EXOC6B: variants seen among roughly 807,000 people sequenced by gnomAD.
EXOC6B encodes exocyst complex component 6B, also known as SEC15 homolog B.
In EXOC6B, 54 loss-of-function variants were observed where a neutral mutation model predicts 113.5. That is an observed-to-expected ratio of 0.48 (90% CI 0.38 to 0.60). The LOEUF is 0.60. EXOC6B is among the 20% of genes least tolerant of loss of function. The pLI, the probability that EXOC6B is intolerant of heterozygous loss-of-function variation, is 0.00. For synonymous variants in EXOC6B, 357 were observed against 339.0 expected (o/e 1.05, Z -0.58); for missense variants, 797 against 977.5 (o/e 0.82, Z 2.46).
chr2:72,537,106 A>C (rs190962537), intron 8 of EXOC6B, among the ~76,000 whole-genome samples: 193 of 152,248 alleles, frequency 1.3e-3, no homozygotes, highest in African/African-American at 4.3e-3. Flanking sequence ...AAACCCATCT[A>C]TCTTCTTTCC....
intron 20 of EXOC6B, among the ~76,000 whole-genome samples, chr2:72,191,829 G>C (rs1678853443): frequency 6.6e-6 from 1 of 152,186 alleles, no homozygotes; most frequent in Non-Finnish European, 1.5e-5. Context: ...CCAGCAGCAA[G>C]TCTAGAAATA....
chr2:72,752,872 C>T (rs1682153194), intron 1 of EXOC6B, among the ~76,000 whole-genome samples: 1 of 152,188 alleles, frequency 6.6e-6, no homozygotes, highest in Non-Finnish European at 1.5e-5. Context: ...GCTTCTATTA[C>T]ACTCCTTCTT....
chr2:72,213,447 T>C (rs984158972), intron 20 of EXOC6B, among the ~76,000 whole-genome samples: 1 of 138,922 alleles, frequency 7.2e-6, no homozygotes, highest in South Asian at 2.2e-4. Context: ...GAGACAGCCA[T>C]CTGTTTTGTA....
chr2:72,577,191 A>C (rs995182301), intron 6 of EXOC6B, among the ~76,000 whole-genome samples: 1 of 152,114 alleles, frequency 6.6e-6, no homozygotes, highest in African/African-American at 2.4e-5. Context: ...ACATGGCTTC[A>C]GTAACAAACT....
chr2:72,318,536 G>C (rs1687660091), intron 20 of EXOC6B, among the ~76,000 whole-genome samples: 1 of 152,028 alleles, frequency 6.6e-6, no homozygotes, highest in Admixed American at 6.6e-5. Context: ...TGGGACTACA[G>C]GTGCATACCA....
intron 1 of EXOC6B, among the ~76,000 whole-genome samples, chr2:72,800,502 T>C (rs1377160542): frequency 1.3e-5 from 2 of 152,214 alleles, no homozygotes; most frequent in Non-Finnish European, 2.9e-5. Context: ...TTTTATACTA[T>C]TTTGAAGTTA....
chr2:72,472,727 G>A (rs1253074279), intron 17 of EXOC6B, among the ~76,000 whole-genome samples: 1 of 151,870 alleles, frequency 6.6e-6, no homozygotes, highest in Non-Finnish European at 1.5e-5. Flanking sequence ...TGATATTGTG[G>A]ATTTGGTTTG....
intron 6 of EXOC6B, among the ~76,000 whole-genome samples, chr2:72,673,315 A>G (rs1263505783): frequency 6.6e-6 from 1 of 152,196 alleles, no homozygotes; most frequent in Non-Finnish European, 1.5e-5. Flanking sequence ...TCTAGAGGGT[A>G]GGGTATTGGT....
chr2:72,575,320 A>T (rs1305253794), intron 7 of EXOC6B, among the ~76,000 whole-genome samples, 172 bp downstream of exon 7: 1 of 152,208 alleles, frequency 6.6e-6, no homozygotes, highest in African/African-American at 2.4e-5. Flanking sequence ...GATCTAAATT[A>T]TCTTAGTATA....
At chr2:72,675,561 G>A (rs910331257) in intron 6 of EXOC6B, among the ~76,000 whole-genome samples, 1 of 152,166 alleles carries the variant, frequency 6.6e-6, no homozygotes, top group Non-Finnish European at 1.5e-5. Flanking sequence ...GGGAGGCCGA[G>A]GCAGGTGAAT....
At chr2:72,601,555 T>C (rs1258917020) in intron 6 of EXOC6B, among the ~76,000 whole-genome samples, 3 of 152,172 alleles carry the variant, frequency 2.0e-5, no homozygotes, top group Non-Finnish European at 2.9e-5. Flanking sequence ...GGAACCTCAT[T>C]CATTGCTGGT....
intron 20 of EXOC6B, among the ~76,000 whole-genome samples, chr2:72,214,071 CA>C (rs773831823): frequency 6.6e-6 from 1 of 152,150 alleles, no homozygotes; most frequent in Non-Finnish European, 1.5e-5. Flanking sequence ...CCATAAAGCC[CA>C]TTCCTGCTGT....
At chr2:72,726,420 G>A (rs1420223177) in intron 5 of EXOC6B, among the ~76,000 whole-genome samples, 1 of 152,108 alleles carries the variant, frequency 6.6e-6, no homozygotes, top group East Asian at 1.9e-4. Context: ...CAGAAATACT[G>A]TATTTCTGAG....
intron 1 of EXOC6B, among the ~76,000 whole-genome samples, chr2:72,757,619 T>A (rs778811522): frequency 9.2e-5 from 14 of 152,336 alleles, no homozygotes; most frequent in Non-Finnish European, 1.9e-4. Context: ...TGTGGGCCCA[T>A]GATTTTCATA....
chr2:72,633,080 T>C (rs1250320225), intron 6 of EXOC6B, among the ~76,000 whole-genome samples: 6 of 152,240 alleles, frequency 3.9e-5, no homozygotes, highest in Non-Finnish European at 8.8e-5. Flanking sequence ...TTTTCTACTT[T>C]ATATTATAGC....
chr2:72,204,755 C>G (rs550780766), intron 20 of EXOC6B, among the ~76,000 whole-genome samples: 3 of 152,208 alleles, frequency 2.0e-5, no homozygotes, highest in Admixed American at 6.5e-5. Flanking sequence ...ATTATTGTGC[C>G]TTGCTTTCCT....
chr2:72,391,259 A>G (rs79001440), intron 18 of EXOC6B, among the ~76,000 whole-genome samples: 2,353 of 152,296 alleles, frequency 0.015, 48 homozygotes, highest in African/African-American at 0.053. Flanking sequence ...ACTAGCTACT[A>G]TACTGTGGCC....
At chr2:72,567,681 G>A (rs1704267460) in intron 7 of EXOC6B, among the ~76,000 whole-genome samples, 1 of 151,920 alleles carries the variant, frequency 6.6e-6, no homozygotes, top group South Asian at 2.1e-4. Context: ...AGTTTCTTGT[G>A]GAAAAGAAGA....
At chr2:72,242,125 G>A (rs757338059) in intron 20 of EXOC6B, among the ~76,000 whole-genome samples, 8 of 152,180 alleles carry the variant, frequency 5.3e-5, no homozygotes, top group Admixed American at 1.3e-4. Flanking sequence ...CCAGGAGGTC[G>A]AGGCTGCAGT....
Sources: gnomAD v4.1 joint callset for allele counts (sites outside exome capture counted in the v4.1 genomes callset) on GRCh38, gnomAD v4.1.1 for gene constraint, MANE v1.5 for transcripts, NCBI Gene and HGNC (gene_info 2026-07-23, HGNC 2026-07-21) for gene names.